TASP1: variants seen among roughly 807,000 people sequenced by gnomAD.
TASP1 encodes the protein taspase 1.
In TASP1, 16 loss-of-function variants were observed where a neutral mutation model predicts 56.6. The ratio of observed to expected loss-of-function variants is 0.28; its 90% confidence interval spans 0.19 to 0.43. TASP1 has a LOEUF of 0.43. Ranked by LOEUF, TASP1 falls within the 20% of genes least tolerant of loss-of-function variation. The probability of loss-of-function intolerance (pLI) is 1.00; values close to 1 mark genes in which losing one functional copy is unlikely to be tolerated. For synonymous variants in TASP1, 179 were observed against 184.2 expected (o/e 0.97, Z 0.23); for missense variants, 393 against 511.6 (o/e 0.77, Z 2.24).
chr20:13,198,488 T>C, the TASP1 span, among the ~76,000 whole-genome samples: 6 of 152,234 alleles, frequency 3.9e-5, no homozygotes, highest in African/African-American at 1.4e-4. Context: ...CCTAATACTA[T>C]CACATTGAGG....
At chr20:13,515,483 C>T (rs540118077) in intron 10 of TASP1, among the ~76,000 whole-genome samples, 1 of 149,638 alleles carries the variant, frequency 6.7e-6, no homozygotes, top group Non-Finnish European at 1.5e-5. Flanking sequence ...AATCCCAAGA[C>T]TCATCCCAGA....
the TASP1 span, among the ~76,000 whole-genome samples, chr20:13,220,408 C>T: frequency 6.6e-6 from 1 of 152,242 alleles, no homozygotes; most frequent in Non-Finnish European, 1.5e-5. Flanking sequence ...ACGCGGGAGC[C>T]CGAGGCTGCA....
chr20:13,461,736 C>T (rs964277708), intron 11 of TASP1, among the ~76,000 whole-genome samples: 1 of 152,126 alleles, frequency 6.6e-6, no homozygotes, highest in African/African-American at 2.4e-5. Context: ...CCATAGTTTG[C>T]CAACCCCCAG....
At chr20:13,607,647 A>C (rs1370486533) in intron 4 of TASP1, among the ~76,000 whole-genome samples, 1 of 152,240 alleles carries the variant, frequency 6.6e-6, no homozygotes, top group Admixed American at 6.5e-5. Flanking sequence ...GTTAGTACTC[A>C]CACTCTGTCG....
the TASP1 span, among the ~76,000 whole-genome samples, chr20:13,312,394 C>A: frequency 9.9e-5 from 15 of 152,140 alleles, no homozygotes; most frequent in Non-Finnish European, 1.9e-4. Context: ...GGTAATGAAG[C>A]CACTCCTACC....
At chr20:13,593,349 G>A (rs1568625025) in intron 4 of TASP1, among the ~76,000 whole-genome samples, 1 of 152,172 alleles carries the variant, frequency 6.6e-6, no homozygotes, top group East Asian at 1.9e-4. Flanking sequence ...ATCTCACTGG[G>A]ACTGGTTGGA....
At chr20:13,498,584 C>T (rs1318822865) in intron 10 of TASP1, among the ~76,000 whole-genome samples, 2 of 151,948 alleles carry the variant, frequency 1.3e-5, no homozygotes, top group East Asian at 3.9e-4. Context: ...GTCTTGAACT[C>T]CTGACCGCCT....
At chr20:13,518,102 C>T (rs1432074867) in intron 10 of TASP1, among the ~76,000 whole-genome samples, 2 of 152,056 alleles carry the variant, frequency 1.3e-5, no homozygotes, top group Non-Finnish European at 2.9e-5. Context: ...ATTCCTAACC[C>T]CACATATTAT....
intron 11 of TASP1, among the ~76,000 whole-genome samples, chr20:13,465,178 C>CAA (rs771255579): frequency 2.6e-3 from 148 of 57,012 alleles, no homozygotes; most frequent in East Asian, 6.9e-3. Flanking sequence ...TTCTCTCTCC[C>CAA]AAAAAAAAAA....
the TASP1 span, among the ~76,000 whole-genome samples, chr20:13,277,035 G>A: frequency 6.6e-6 from 1 of 151,998 alleles, no homozygotes; most frequent in Non-Finnish European, 1.5e-5. Context: ...ACCTCTAAGT[G>A]TTGAGATTTA....
At chr20:13,221,814 GGCT>G in the TASP1 span, 5 of 1,458,098 alleles carry the variant, frequency 3.4e-6, no homozygotes, top group Non-Finnish European at 4.5e-6. Context: ...CTGCTGCTGG[GGCT>G]GCTGCTGCTC....
At chr20:13,109,094 C>T in the TASP1 span, among the ~76,000 whole-genome samples, 1 of 152,182 alleles carries the variant, frequency 6.6e-6, no homozygotes, top group Non-Finnish European at 1.5e-5. Context: ...AATACACACA[C>T]ATGTACATAT....
chr20:13,337,960 A>C, the TASP1 span, among the ~76,000 whole-genome samples: 1 of 152,216 alleles, frequency 6.6e-6, no homozygotes, highest in African/African-American at 2.4e-5. Flanking sequence ...TTACGTTACC[A>C]GAAAAGGGTC....
chr20:13,393,732 G>C (rs1326869695), intron 13 of TASP1: 1 of 800,786 alleles, frequency 1.2e-6, no homozygotes, highest in African/African-American at 1.7e-5. Context: ...GCCCTCAGCT[G>C]CTGGGAGTCC....
chr20:13,327,444 GA>G, the TASP1 span, among the ~76,000 whole-genome samples: 6 of 150,610 alleles, frequency 4.0e-5, no homozygotes, highest in African/African-American at 9.7e-5. Context: ...TCACAAATTA[GA>G]AAAAAAAACT....
chr20:13,296,065 C>T, the TASP1 span, among the ~76,000 whole-genome samples: 4 of 152,152 alleles, frequency 2.6e-5, no homozygotes, highest in Admixed American at 1.3e-4. Context: ...TTTGCCTTTG[C>T]CTCCCTTAAT....
intron 12 of TASP1, among the ~76,000 whole-genome samples, chr20:13,433,539 A>T (rs966410726): frequency 5.9e-5 from 9 of 151,516 alleles, no homozygotes; most frequent in Admixed American, 1.3e-4. Flanking sequence ...AAAAAAAAAA[A>T]AATACAGCTG....
chr20:13,264,142 G>A, the TASP1 span, among the ~76,000 whole-genome samples: 1 of 152,208 alleles, frequency 6.6e-6, no homozygotes, highest in African/African-American at 2.4e-5. Flanking sequence ...ACTGGGGGAA[G>A]GAGGAGGGAG....
chr20:13,290,542 G>C, the TASP1 span, among the ~76,000 whole-genome samples: 6 of 152,094 alleles, frequency 3.9e-5, no homozygotes, highest in Admixed American at 2.0e-4. Flanking sequence ...CCAGCTACTC[G>C]GGAGGCTGAG....
Sources: gnomAD v4.1 joint callset for allele counts (sites outside exome capture counted in the v4.1 genomes callset) on GRCh38, gnomAD v4.1.1 for gene constraint, MANE v1.5 for transcripts, NCBI Gene and HGNC (gene_info 2026-07-23, HGNC 2026-07-21) for gene names.